Variants in SNTB1 observed in about 807,000 individuals in gnomAD.
The protein encoded by SNTB1 is syntrophin beta 1.
Under a neutral mutation model 48.9 loss-of-function variants are expected in SNTB1, and 36 were observed. That is an observed-to-expected ratio of 0.74 (90% confidence interval 0.56 to 0.97). SNTB1 has a LOEUF of 0.97. Ranked by LOEUF, SNTB1 falls within the 50% of genes least tolerant of loss-of-function variation. The pLI is 0.00. For synonymous variants in SNTB1, 299 were observed against 294.6 expected, an observed-to-expected ratio of 1.01 and a Z score of -0.15; for missense variants, 786 against 703.4, an observed-to-expected ratio of 1.12 and a Z score of -1.33.
intron 3 of SNTB1, among the ~76,000 whole-genome samples, chr8:120,592,979 C>T (rs75152652): frequency 1.3e-5 from 2 of 152,048 alleles, no homozygotes; most frequent in Non-Finnish European, 1.5e-5. Flanking sequence ...GTTCCCATGG[C>T]TTTTTTTGTT....
intron 2 of SNTB1, among the ~76,000 whole-genome samples, chr8:120,645,970 G>C (rs1178634684): frequency 1.4e-5 from 2 of 147,496 alleles, no homozygotes; most frequent in African/African-American, 2.5e-5. Flanking sequence ...CTGTTTGTCT[G>C]TTGTTGGTGT....
chr8:120,729,488 T>G (rs1818817469), intron 1 of SNTB1, among the ~76,000 whole-genome samples: 1 of 152,252 alleles, frequency 6.6e-6, no homozygotes, highest in East Asian at 1.9e-4. Flanking sequence ...TGTATATGTC[T>G]AGATATCTCT....
intron 3 of SNTB1, among the ~76,000 whole-genome samples, chr8:120,622,557 A>C (rs542416326): frequency 6.6e-6 from 1 of 152,248 alleles, no homozygotes; most frequent in Non-Finnish European, 1.5e-5. Flanking sequence ...ATTTCAAAGC[A>C]TTAAAAAAAA....
At chr8:120,706,636 G>A (rs958601608) in intron 1 of SNTB1, among the ~76,000 whole-genome samples, 1 of 152,154 alleles carries the variant, frequency 6.6e-6, no homozygotes, top group Admixed American at 6.6e-5. Context: ...CAGAAAGGAT[G>A]TCTGAATGCT....
intron 1 of SNTB1, among the ~76,000 whole-genome samples, chr8:120,800,496 A>C (rs1015908094): frequency 3.6e-4 from 55 of 152,042 alleles, no homozygotes; most frequent in African/African-American, 1.3e-3. Context: ...AAATTCAGAG[A>C]AAAAGTAACA....
rs1420260675 is a variant in SNTB1, at chr8:120,550,852, ATC to A, written c.1137-1896_1137-1895del. On this transcript the variant is annotated intron_variant, in intron 4 of 6. Transcript: ENST00000517992. ...AGGTAAAAATTCATTAAGAAAAGGT[ATC>A]TACAAGGAGCAAAAATGTATACTGT... Among the ~76,000 whole-genome samples, 5 of 152,228 alleles carry A rather than the reference ATC, an allele frequency of 3.3e-5. No individual in the cohort carries two copies. The East Asian group carries it at 9.6e-4, about 29-fold the overall frequency.
Position 120,549,867 on chromosome 8 carries a change from C to A in SNTB1, c.1137-909G>T, listed in dbSNP as rs562533356. Among the ~76,000 whole-genome samples, 12 of 152,248 alleles carry A rather than the reference C, an allele frequency of 7.9e-5. No individual in the cohort carries two copies. The South Asian group carries it at 2.5e-3, about 32-fold the overall frequency. On this transcript the variant is annotated intron_variant, in intron 4 of 6. Transcript: ENST00000517992. ...CTAATTTAGTAAATGTGACTTCTTTCTAGGGTATTTGCATTTTCAATCTTA... is the reference window on the plus strand; with the variant it reads ...CTAATTTAGTAAATGTGACTTCTTTATAGGGTATTTGCATTTTCAATCTTA...
chr8:120,599,813 A>ATT (rs1448927367), intron 3 of SNTB1, among the ~76,000 whole-genome samples: 1 of 152,228 alleles, frequency 6.6e-6, no homozygotes, highest in Non-Finnish European at 1.5e-5. Context: ...AGTCATAGCT[A>ATT]TTCAAGGTTT....
intron 1 of SNTB1, among the ~76,000 whole-genome samples, chr8:120,779,489 G>A (rs776463090): frequency 8.6e-5 from 13 of 151,978 alleles, no homozygotes; most frequent in Non-Finnish European, 1.9e-4. Flanking sequence ...GCAACAGAGT[G>A]AGACTCTGTC....
Position 120,548,806 on chromosome 8 carries a change from T to C in SNTB1, c.1289A>G (p.Gln430Arg). The change falls in exon 5 of 7, where the codon CAG becomes CGG. Residue 430 changes from glutamine (Q) to arginine (R), a missense_variant. Gln to Arg is a conservative substitution (Grantham distance 43, BLOSUM62 1). Coordinates refer to ENST00000517992, the MANE Select transcript of SNTB1 (RefSeq NM_021021.4). ...GAGTTCAGCAGAATTGTGGCAACCC[T>C]GTACTATGCTCCTTGTCCAGTGGGA... ...DLSHWTRSIV[Q>R]GCHNSAELIA... is the part of the protein sequence containing the mutation. 1 of 1,614,154 alleles carries C rather than the reference T, an allele frequency of 6.2e-7. No homozygotes were observed. Among genetic ancestry groups the C allele is most frequent in the Non-Finnish European group, 8.5e-7 (1 of 1,180,008 alleles).
intron 3 of SNTB1, among the ~76,000 whole-genome samples, chr8:120,591,940 A>G (rs1816245951): frequency 1.3e-5 from 2 of 152,252 alleles, no homozygotes; most frequent in South Asian, 4.1e-4. Context: ...CAAATAAAAA[A>G]TAGACCACTT....
intron 1 of SNTB1, among the ~76,000 whole-genome samples, chr8:120,766,765 A>G (rs1214035195): frequency 6.6e-6 from 1 of 152,158 alleles, no homozygotes; most frequent in African/African-American, 2.4e-5. Context: ...TGTTAAATCT[A>G]CTTTGGTATA....
In SNTB1 at chr8:120,584,106, G is replaced by A. The variant is rs372255159; in HGVS notation, c.997-8881C>T. Reference sequence around the variant, plus strand: ...AGGTAGGTGGATCACTTGAGGTCAAGACCAGCCTGGCCAACATGACAAAAC... The same window carrying A: ...AGGTAGGTGGATCACTTGAGGTCAAAACCAGCCTGGCCAACATGACAAAAC... On this transcript the variant is annotated intron_variant, in intron 3 of 6. Coordinates refer to ENST00000517992, the MANE Select transcript of SNTB1 (RefSeq NM_021021.4). 5.9e-5 allele frequency among the ~76,000 whole-genome samples: 9 copies of A among 152,266 alleles called. No individual in the cohort carries two copies. In the East Asian group the frequency reaches 7.7e-4, roughly 13 times the overall value.
At chr8:120,765,615 G>A (rs1486110000) in intron 1 of SNTB1, among the ~76,000 whole-genome samples, 1 of 152,128 alleles carries the variant, frequency 6.6e-6, no homozygotes, top group East Asian at 1.9e-4. Flanking sequence ...ATGCAAGAGA[G>A]CAAGAAATGG....
intron 2 of SNTB1, among the ~76,000 whole-genome samples, chr8:120,653,975 G>C (rs112762401): frequency 0.016 from 2,116 of 134,940 alleles, 61 homozygotes; most frequent in African/African-American, 0.053. Flanking sequence ...GGAAAGCGGA[G>C]CTTGCAGTGA....
intron 3 of SNTB1, among the ~76,000 whole-genome samples, chr8:120,597,217 A>T (rs887272729): frequency 3.3e-5 from 5 of 152,262 alleles, no homozygotes; most frequent in Middle Eastern, 6.3e-3. Flanking sequence ...GATGCAAGAA[A>T]TAGATTGTCC....
At chr8:120,634,791 G>A (rs1021561292) in intron 2 of SNTB1, among the ~76,000 whole-genome samples, 2 of 151,974 alleles carry the variant, frequency 1.3e-5, no homozygotes, top group Admixed American at 6.6e-5. Flanking sequence ...TTAAGTTGTA[G>A]AAGAGAGATG....
chr8:120,608,591 G>A (rs898907626), intron 3 of SNTB1, among the ~76,000 whole-genome samples: 1 of 152,132 alleles, frequency 6.6e-6, no homozygotes, highest in African/African-American at 2.4e-5. Context: ...CAGACTTTCA[G>A]CCTCCAGAAC....
intron 1 of SNTB1, among the ~76,000 whole-genome samples, chr8:120,711,964 C>G (rs1401938188): frequency 1.3e-5 from 2 of 152,146 alleles, no homozygotes; most frequent in African/African-American, 4.8e-5. Flanking sequence ...ATTATACACA[C>G]TATAATATTC....
Sources: allele counts gnomAD v4.1 joint callset (sites outside exome capture counted in the v4.1 genomes callset), GRCh38; gene constraint gnomAD v4.1.1; transcripts MANE v1.5; gene names NCBI Gene and HGNC (gene_info 2026-07-23, HGNC 2026-07-21).